Variants in SVEP1 observed in about 807,000 individuals in gnomAD.
SVEP1 encodes sushi, von Willebrand factor type A, EGF and pentraxin domain-containing protein 1.
SVEP1 carries 164 observed loss-of-function variants against 367.3 expected under a neutral mutation model. The observed-to-expected ratio is 0.45, with a 90% CI of 0.39 to 0.51. SVEP1 has a LOEUF of 0.51. Ranked by LOEUF, SVEP1 falls within the 20% of genes least tolerant of loss-of-function variation. The pLI, the probability that SVEP1 is intolerant of heterozygous loss-of-function variation, is 0.00. For missense variants in SVEP1, 4,117 were observed against 4,425.3 expected, an observed-to-expected ratio of 0.93 and a Z score of 1.98; for synonymous variants, 1,666 against 1,611.6, an observed-to-expected ratio of 1.03 and a Z score of -0.81.
rs71373993 is a variant in SVEP1, at chr9:110,375,465, TAAAAAAAAA to T, written c.10505-11_10505-3del. The T allele has an allele frequency of 2.7e-4, 150 of 557,800 alleles. 1 individual carries two copies. The highest frequency in any genetic ancestry group is 1.7e-3 in the Middle Eastern group (3 of 1,758). The allele number at this position is 557,800 out of a possible 1,614,324, so 34.6% of individuals were successfully genotyped here. A position where few individuals can be genotyped will look rare whatever the true frequency, so the allele number is the denominator to read the frequency against. On this transcript the variant is annotated splice_region_variant and splice_polypyrimidine_tract_variant and intron_variant, in intron 45 of 47. Coordinates refer to ENST00000374469, the MANE Select transcript of SVEP1 (RefSeq NM_153366.4). ...TCAGACAGGGAAGAATGCAGATTGC[TAAAAAAAAA>T]AAAAAAAAAAAAAAAAGGAGGCAGG...
Position 110,549,349 on chromosome 9 carries a change from A to T in SVEP1, c.787+500T>A, listed in dbSNP as rs1313269719. On this transcript the variant is annotated intron_variant, in intron 2 of 47. Coordinates refer to ENST00000374469, the MANE Select transcript of SVEP1 (RefSeq NM_153366.4). ...GCTGATTTCCTTCCCTTTTAGGGTT[A>T]ATGCTCTTAAGCTTTTACATAAGCA... Among the ~76,000 whole-genome samples, 4 of 152,154 alleles carry T rather than the reference A, an allele frequency of 2.6e-5. No homozygotes were observed. The East Asian group carries it at 7.7e-4, about 29-fold the overall frequency.
At position 110,408,653 on chromosome 9, in the gene SVEP1, G is replaced by A. The variant is rs1041689987; in HGVS notation, c.6947C>T (p.Pro2316Leu). The change falls in exon 38 of 48, where the codon CCA becomes CTA. Residue 2316 changes from proline to leucine, a missense_variant. This residue lies in a region of SVEP1 where 1,765 missense variants were observed against 1,781.1 expected (regional missense o/e 0.99). Transcript: ENST00000374469. ...TGGGCACTTGGCAGGCATGCACTTT[G>A]GATTTGACTTCTTATTCCATTTGCC... Reference protein sequence around the residue: ...KSGKWNKKSNPKCMPAKCPEP... With the variant: ...KSGKWNKKSNLKCMPAKCPEP... The A allele has an allele frequency of 2.5e-6, 4 of 1,613,842 alleles. No homozygotes were observed. Among genetic ancestry groups the A allele is most frequent in the African/African-American group, 2.7e-5 (2 of 74,902 alleles).
chr9:110,366,569 A>G lies in SVEP1; in HGVS notation c.10695-9T>C. 6.5e-7 allele frequency: 1 copy of G among 1,537,316 alleles called. No individual in the cohort carries two copies. Among genetic ancestry groups the G allele is most frequent in the Non-Finnish European group, 8.7e-7 (1 of 1,144,560 alleles). On this transcript the variant is annotated splice_polypyrimidine_tract_variant and intron_variant, in intron 47 of 47. Transcript: ENST00000374469. ...ACCCAGTCCTCCTTTTCCTGGAAAA[A>G]AAAAAAAAAGCAACCAAATAGATTC...
intron 22 of SVEP1, among the ~76,000 whole-genome samples, chr9:110,454,948 AT>A (rs1828755682): frequency 6.6e-6 from 1 of 152,236 alleles, no homozygotes; most frequent in Admixed American, 6.5e-5. Context: ...TACTCTCTGA[AT>A]TTAAAATAAA....
intron 7 of SVEP1, among the ~76,000 whole-genome samples, chr9:110,497,674 T>C (rs1375786124): frequency 6.6e-6 from 1 of 152,270 alleles, no homozygotes; most frequent in Non-Finnish European, 1.5e-5. Flanking sequence ...AAGCCAATGA[T>C]ATTTTTTACT....
intron 1 of SVEP1, among the ~76,000 whole-genome samples, chr9:110,566,746 T>C (rs1192965697): frequency 6.6e-6 from 1 of 152,138 alleles, no homozygotes; most frequent in Non-Finnish European, 1.5e-5. Flanking sequence ...GAGGAGAACA[T>C]TACAGGAGTG....
Position 110,455,598 on chromosome 9 carries a change from C to T in SVEP1, c.3779G>A (p.Gly1260Asp), listed in dbSNP as rs1370745914. 1.9e-6 allele frequency: 3 copies of T among 1,612,896 alleles called. No homozygotes were observed. The East Asian group carries it at 6.7e-5, about 36-fold the overall frequency. ...VGEFICECPS[G>D]YTGQRCEENI... The stretch of plus-strand genomic sequence containing the variant: ...GGAGACCTTCCCCTTACCTGTGTAA[C>T]CTGATGGGCACTCACAAATGAATTC... The change falls in exon 22 of 48, where the codon GGT (glycine) becomes GAT (aspartate). Residue 1260 changes from glycine to aspartate, a missense_variant. Gly to Asp is a moderately conservative substitution (Grantham distance 94). Transcript: ENST00000374469.
chr9:110,493,789 T>C (rs1417063048), intron 8 of SVEP1, among the ~76,000 whole-genome samples: 1 of 152,122 alleles, frequency 6.6e-6, no homozygotes, highest in Non-Finnish European at 1.5e-5. Context: ...TGTATTATCC[T>C]GTGGTCTTAT....
chr9:110,567,997 C>T lies in SVEP1; in HGVS notation c.531+11016G>A, dbSNP rs151192214. On this transcript the variant is annotated intron_variant, in intron 1 of 47. Transcript: ENST00000374469. Reference sequence around the variant, plus strand: ...CCTGAGACCTATCACCCTTAAGCTGCGATACTTCTAAGGCCTGAATTCTAC... The same window carrying T: ...CCTGAGACCTATCACCCTTAAGCTGTGATACTTCTAAGGCCTGAATTCTAC... Among the ~76,000 whole-genome samples the T allele has an allele frequency of 6.6e-5, 10 of 152,250 alleles. No individual in the cohort carries two copies. The East Asian group carries it at 1.4e-3, about 21-fold the overall frequency.
intron 1 of SVEP1, among the ~76,000 whole-genome samples, chr9:110,552,399 T>G (rs1830301591): frequency 6.6e-6 from 1 of 152,140 alleles, no homozygotes; most frequent in Non-Finnish European, 1.5e-5. Context: ...GGAAGACAAT[T>G]TTTCCATGGA....
chr9:110,406,514 C>G lies in SVEP1; in HGVS notation c.9086G>C (p.Arg3029Pro), dbSNP rs754622811. The G allele has an allele frequency of 8.7e-6, 14 of 1,613,654 alleles. No individual in the cohort carries two copies. The highest frequency in any genetic ancestry group is 1.2e-5 in the Non-Finnish European group (14 of 1,179,828). Reference sequence around the variant, plus strand: ...CTTGAAGCCTTTGAAGCACTGAATCCGGGCTGCCTTTCCACAGTCAAAATC... The same window carrying G: ...CTTGAAGCCTTTGAAGCACTGAATCGGGGCTGCCTTTCCACAGTCAAAATC... ...GTDFDCGKAARIQCFKGFKLL... is the reference protein window; with the variant it reads ...GTDFDCGKAAPIQCFKGFKLL... Residue 3029 changes from arginine (R) to proline (P), a missense_variant, in exon 38 of 48, where the codon CGG (arginine) becomes CCG (proline). By Grantham distance (103) the Arg-to-Pro change is moderately radical (BLOSUM62 -2). Coordinates refer to ENST00000374469, the MANE Select transcript of SVEP1 (RefSeq NM_153366.4).
Position 110,407,393 on chromosome 9 carries a change from C to G in SVEP1, c.8207G>C (p.Gly2736Ala). 3.1e-6 allele frequency: 5 copies of G among 1,614,022 alleles called. No individual in the cohort carries two copies. The highest frequency in any genetic ancestry group is 1.3e-5 in the African/African-American group (1 of 75,040). The change falls in exon 38 of 48, where the codon GGA (glycine) becomes GCA (alanine). Residue 2736 changes from glycine (G) to alanine (A), a missense_variant. Gly to Ala is a moderately conservative substitution (Grantham distance 60, BLOSUM62 0). Coordinates refer to ENST00000374469, the MANE Select transcript of SVEP1 (RefSeq NM_153366.4). ...TTTACAGCTATACTGCACAGCACTT[C>G]CCATGCTAGTCTCTGTAAAACGCAA... ...GFLRFTETSM[G>A]SAVQYSCKPG... is the part of the protein sequence containing the mutation.
chr9:110,555,204 A>G (rs973512872), intron 1 of SVEP1, among the ~76,000 whole-genome samples: 2 of 151,942 alleles, frequency 1.3e-5, no homozygotes, highest in African/African-American at 2.4e-5. Context: ...ATTTTCCTAG[A>G]AAGGAGGAGA....
intron 40 of SVEP1, among the ~76,000 whole-genome samples, chr9:110,391,022 C>G (rs1368252330): frequency 2.0e-5 from 3 of 152,064 alleles, no homozygotes; most frequent in African/African-American, 7.2e-5. Flanking sequence ...GTATGAATCT[C>G]TAAAAGATAA....
chr9:110,561,494 T>C (rs1415824561), intron 1 of SVEP1, among the ~76,000 whole-genome samples: 1 of 152,250 alleles, frequency 6.6e-6, no homozygotes, highest in Non-Finnish European at 1.5e-5. Context: ...TGCCTTAATT[T>C]GTACTAGCTA....
At chr9:110,485,348 C>T (rs1035194791) in intron 9 of SVEP1, among the ~76,000 whole-genome samples, 2 of 152,100 alleles carry the variant, frequency 1.3e-5, no homozygotes, top group Non-Finnish European at 2.9e-5. Flanking sequence ...AACCAAACAC[C>T]GTATGTTCTC....
rs374425852 is a variant in SVEP1, at chr9:110,429,203, T to C, written c.5747A>G (p.Tyr1916Cys). The part of the protein sequence containing the change: ...SSPENINNGK[Y>C]ILSGLTYLST... ...AAGGTAGGTAAGCCCACTCAAAATATATTTTCCATTATTTATATTTTCCGG... is the reference window on the plus strand; with the variant it reads ...AAGGTAGGTAAGCCCACTCAAAATACATTTTCCATTATTTATATTTTCCGG... Residue 1916 changes from tyrosine to cysteine, a missense_variant, in exon 35 of 48, where the codon TAT becomes TGT. By Grantham distance (194) the Tyr-to-Cys change is radical. Coordinates refer to ENST00000374469, the MANE Select transcript of SVEP1 (RefSeq NM_153366.4). The C allele has an allele frequency of 5.0e-5, 80 of 1,596,554 alleles. No homozygotes were observed. Among genetic ancestry groups the C allele is most frequent in the Non-Finnish European group, 3.2e-5 (37 of 1,170,944 alleles).
intron 5 of SVEP1, among the ~76,000 whole-genome samples, chr9:110,508,209 C>T (rs1168821053): frequency 1.3e-5 from 2 of 152,000 alleles, no homozygotes; most frequent in East Asian, 3.9e-4. Flanking sequence ...TAGAAAATAG[C>T]AACTTAGACT....
chr9:110,407,613 T>G lies in SVEP1; in HGVS notation c.7987A>C (p.Asn2663His), dbSNP rs1459122765. The G allele has an allele frequency of 6.2e-7, 1 of 1,613,972 alleles. No homozygotes were observed. Among genetic ancestry groups the G allele is most frequent in the Non-Finnish European group, 8.5e-7 (1 of 1,179,848 alleles). ...HLGAVAKTWE[N>H]TKESPATHSS... ...TGTGTAGCAGGAGACTCCTTTGTAT[T>G]TTCCCAGGTTTTAGCCACTGCTCCC... The change falls in exon 38 of 48, where the codon AAT becomes CAT. Residue 2663 changes from asparagine (N) to histidine (H), a missense_variant. Asn to His is a moderately conservative substitution (Grantham distance 68, BLOSUM62 1). This residue lies in a region of SVEP1 where 1,765 missense variants were observed against 1,781.1 expected (regional missense o/e 0.99). Coordinates refer to ENST00000374469, the MANE Select transcript of SVEP1 (RefSeq NM_153366.4).
Sources: allele counts gnomAD v4.1 joint callset (sites outside exome capture counted in the v4.1 genomes callset), GRCh38; gene constraint gnomAD v4.1.1; regional missense constraint gnomAD v4.1.1; transcripts MANE v1.5; gene names NCBI Gene and HGNC (gene_info 2026-07-23, HGNC 2026-07-21).